Variants in THSD7B observed in about 807,000 individuals in gnomAD.
THSD7B encodes thrombospondin type 1 domain containing 7B.
THSD7B carries 138 observed loss-of-function variants against 213.6 expected under a neutral mutation model. The observed-to-expected ratio is 0.65, with a 90% CI of 0.56 to 0.74. THSD7B has a LOEUF of 0.74. Ranked by LOEUF, THSD7B falls within the 30% of genes least tolerant of loss-of-function variation. The probability of loss-of-function intolerance (pLI) is 0.00; values close to 1 mark genes in which losing one functional copy is unlikely to be tolerated. For synonymous variants in THSD7B, 742 were observed against 687.0 expected, an observed-to-expected ratio of 1.08 and a Z score of -1.25; for missense variants, 1,931 against 1,991.5, an observed-to-expected ratio of 0.97 and a Z score of 0.58.
intron 1 of THSD7B, among the ~76,000 whole-genome samples, chr2:136,807,658 C>A (rs149943839): frequency 0.016 from 2,427 of 152,092 alleles, 59 homozygotes; most frequent in African/African-American, 0.056. Context: ...AGGCGCCCGC[C>A]ACCAGGCCTG....
chr2:137,534,018 G>GCGCGCA, intron 15 of THSD7B, among the ~76,000 whole-genome samples: 1 of 113,558 alleles, frequency 8.8e-6, no homozygotes, highest in African/African-American at 3.1e-5. Context: ...GTGTGTGCGC[G>GCGCGCA]CACACACACA....
intron 3 of THSD7B, among the ~76,000 whole-genome samples, chr2:137,070,794 T>A (rs193088362): frequency 1.3e-4 from 20 of 152,144 alleles, no homozygotes; most frequent in African/African-American, 4.1e-4. Context: ...TTCCCACCTA[T>A]GCGTGAGAAC....
intron 12 of THSD7B, among the ~76,000 whole-genome samples, chr2:137,292,961 G>C (rs986653463): frequency 6.6e-6 from 1 of 151,948 alleles, no homozygotes; most frequent in African/African-American, 2.4e-5. Context: ...TTAGTTTGTG[G>C]AACTATGAAT....
At chr2:137,001,362 G>A (rs1490367753) in intron 2 of THSD7B, among the ~76,000 whole-genome samples, 1 of 151,992 alleles carries the variant, frequency 6.6e-6, no homozygotes. Flanking sequence ...TCCTCTCATA[G>A]GAAGCACTAA....
At chr2:137,586,523 C>A (rs1305227429) in intron 17 of THSD7B, among the ~76,000 whole-genome samples, 1 of 152,178 alleles carries the variant, frequency 6.6e-6, no homozygotes, top group Middle Eastern at 3.2e-3. Flanking sequence ...TCTTATAGGG[C>A]AGGCTTGGTG....
intron 15 of THSD7B, among the ~76,000 whole-genome samples, chr2:137,463,739 A>C (rs2105083181): frequency 6.6e-6 from 1 of 152,186 alleles, no homozygotes; most frequent in South Asian, 2.1e-4. Flanking sequence ...TTTAGGGGAA[A>C]AGCTGTACAT....
chr2:137,101,812 A>T (rs903453464), intron 4 of THSD7B, among the ~76,000 whole-genome samples: 1 of 152,226 alleles, frequency 6.6e-6, no homozygotes, highest in Non-Finnish European at 1.5e-5. Flanking sequence ...CGCGCCACAA[A>T]GCTGCTGTAG....
At chr2:136,839,959 CATT>C (rs1208323585) in intron 1 of THSD7B, among the ~76,000 whole-genome samples, 2 of 152,116 alleles carry the variant, frequency 1.3e-5, no homozygotes, top group East Asian at 3.9e-4. Flanking sequence ...GACATTGTAT[CATT>C]GTCTGGGGAT....
At chr2:137,331,895 G>T (rs576482587) in intron 12 of THSD7B, among the ~76,000 whole-genome samples, 1 of 152,112 alleles carries the variant, frequency 6.6e-6, no homozygotes, top group Non-Finnish European at 1.5e-5. Flanking sequence ...CCGGCCGGCT[G>T]CTCCAAGTGC....
chr2:137,648,633 T>G (rs1683081464), intron 21 of THSD7B, among the ~76,000 whole-genome samples: 1 of 152,182 alleles, frequency 6.6e-6, no homozygotes, highest in Non-Finnish European at 1.5e-5. Context: ...TCCATTGATG[T>G]GCACTTAGGT....
At chr2:137,116,779 T>TCTGGTGTTC (rs1558926876) in intron 5 of THSD7B, among the ~76,000 whole-genome samples, 3 of 152,150 alleles carry the variant, frequency 2.0e-5, no homozygotes, top group Non-Finnish European at 4.4e-5. Context: ...GAATTGGGAA[T>TCTGGTGTTC]TAGATGCTTA....
intron 17 of THSD7B, among the ~76,000 whole-genome samples, chr2:137,582,184 G>A (rs141773207): frequency 1.3e-4 from 20 of 152,034 alleles, no homozygotes; most frequent in Non-Finnish European, 2.2e-4. Context: ...GGTTCAGGAC[G>A]TTCTGGTTCA....
rs267598897 is a variant in THSD7B at position 137,563,315 on chromosome 2, C to T, written c.3233C>T (p.Ser1078Phe). ...TGCAAAATCAACAATGAGCTGAGGT[C>T]CCTGCGCTGTGGAGGAGGAACACAA... ...SSCKINNELR[S>F]LRCGGGTQSR... The change falls in exon 16 of 28, where the codon TCC becomes TTC. Residue 1078 changes from serine to phenylalanine, a missense_variant. Transcript: ENST00000409968. The T allele has an allele frequency of 4.3e-6, 7 of 1,613,318 alleles. No homozygotes were observed. The highest frequency in any genetic ancestry group is 5.9e-6 in the Non-Finnish European group (7 of 1,179,588).
intron 15 of THSD7B, 125 bp from the exon 16 acceptor site, chr2:137,563,086 TGGGAAAGTAA>T: frequency 1.1e-6 from 1 of 908,302 alleles, no homozygotes; most frequent in Non-Finnish European, 1.6e-6. Context: ...CTTGCTTTTT[TGGGAAAGTAA>T]TTTGGCTGTT....
intron 14 of THSD7B, among the ~76,000 whole-genome samples, chr2:137,448,809 C>A (rs891810250): frequency 1.3e-5 from 2 of 149,228 alleles, no homozygotes; most frequent in East Asian, 4.0e-4. Flanking sequence ...AAAACAACAA[C>A]AACAACAACA....
intron 9 of THSD7B, among the ~76,000 whole-genome samples, chr2:137,239,732 T>C (rs1681858621): frequency 6.6e-6 from 1 of 152,340 alleles, no homozygotes; most frequent in East Asian, 1.9e-4. Flanking sequence ...GTAGTACTTT[T>C]GATCAAGTTT....
chr2:136,967,466 T>C (rs1312903346), intron 2 of THSD7B, among the ~76,000 whole-genome samples: 2 of 152,226 alleles, frequency 1.3e-5, no homozygotes, highest in African/African-American at 2.4e-5. Flanking sequence ...CCCTGTCCTC[T>C]GCCATTGTTC....
At position 137,591,624 on chromosome 2, in the gene THSD7B, A is replaced by G. The variant is rs543232117; in HGVS notation, c.3423+19068A>G. Among the ~76,000 whole-genome samples the G allele has an allele frequency of 7.9e-5, 12 of 152,092 alleles. No homozygotes were observed. In the South Asian group the frequency reaches 1.0e-3, roughly 13 times the overall value. On this transcript the variant is annotated intron_variant, in intron 17 of 27. Coordinates refer to ENST00000409968, the MANE Select transcript of THSD7B (RefSeq NM_001316349.2). ...TTGGTTCCATGTATTATGTTTTTCA[A>G]TATTCTTGCGTCCTATTTGTCATAA... is the stretch of plus-strand genomic sequence containing the variant.
intron 14 of THSD7B, among the ~76,000 whole-genome samples, chr2:137,424,587 A>G (rs1686999500): frequency 6.6e-6 from 1 of 152,194 alleles, no homozygotes; most frequent in Non-Finnish European, 1.5e-5. Flanking sequence ...TACAAAAGTC[A>G]ACAAATGTAA....
Sources: gnomAD v4.1 joint callset for allele counts (sites outside exome capture counted in the v4.1 genomes callset) on GRCh38, gnomAD v4.1.1 for gene constraint, MANE v1.5 for transcripts, NCBI Gene and HGNC (gene_info 2026-07-23, HGNC 2026-07-21) for gene names.